Variants in VNN1 observed in about 807,000 individuals in gnomAD.
VNN1 encodes vanin 1, also known as pantetheinase.
VNN1 carries 29 observed loss-of-function variants against 41.9 expected under a neutral mutation model. That is an observed-to-expected ratio of 0.69 (90% CI 0.52 to 0.94). VNN1 has a LOEUF of 0.94. VNN1 is among the 40% of genes least tolerant of loss of function. The pLI is 0.00. For synonymous variants in VNN1, 233 were observed against 224.4 expected (o/e 1.04, Z -0.34); for missense variants, 637 against 621.1 (o/e 1.03, Z -0.27).
chr6:132,702,367 C>T (rs184048288), intron 2 of VNN1, among the ~76,000 whole-genome samples: 8 of 152,314 alleles, frequency 5.3e-5, no homozygotes, highest in African/African-American at 1.2e-4. Context: ...GCATACTCCA[C>T]CCTGTCCATT....
intron 5 of VNN1, among the ~76,000 whole-genome samples, chr6:132,684,897 A>G (rs766868894): frequency 6.6e-6 from 1 of 152,258 alleles, no homozygotes; most frequent in Non-Finnish European, 1.5e-5. Flanking sequence ...GCCTCCTGCA[A>G]TTCACTGTCA....
intron 5 of VNN1, among the ~76,000 whole-genome samples, chr6:132,686,307 G>A (rs941287281): frequency 6.6e-6 from 1 of 152,130 alleles, no homozygotes; most frequent in African/African-American, 2.4e-5. Context: ...AATTAGCTGG[G>A]AGTGGTGGCA....
At chr6:132,693,878 C>G in intron 3 of VNN1, 112 bp downstream of exon 3, 1 of 1,243,830 alleles carries the variant, frequency 8.0e-7, no homozygotes, top group Non-Finnish European at 1.1e-6. Flanking sequence ...CTATGCTTTG[C>G]CCCTACTCGA....
intron 6 of VNN1, 111 bp from the exon 7 acceptor site, chr6:132,683,433 C>A (rs1778157587): frequency 8.9e-7 from 1 of 1,122,972 alleles, no homozygotes; most frequent in Admixed American, 3.0e-5. Context: ...TGGCCAAATT[C>A]CATTCTATCA....
chr6:132,699,763 A>G (rs1778425366), intron 2 of VNN1: 1 of 152,276 alleles, frequency 6.6e-6, no homozygotes, highest in African/African-American at 2.4e-5. Context: ...TATCTTCAAA[A>G]TAAACAAAAT....
At position 132,711,782 on chromosome 6, in the gene VNN1, C is replaced by T; in HGVS notation, c.268G>A (p.Asp90Asn). ...DAIYGWNFNR[D>N]SLYPYLEDIP... Reference sequence around the variant, plus strand: ...TCCTCCAAATATGGGTAGAGAGAGTCCCTGTTGAAGTTCCAGCCATAAATA... The same window carrying T: ...TCCTCCAAATATGGGTAGAGAGAGTTCCTGTTGAAGTTCCAGCCATAAATA... The change falls in exon 2 of 7, where the codon GAC becomes AAC. Residue 90 changes from aspartate (D) to asparagine (N), a missense_variant. Asp to Asn is a conservative substitution (Grantham distance 23). Transcript: ENST00000367928. The T allele has an allele frequency of 6.2e-7, 1 of 1,613,880 alleles. No individual in the cohort carries two copies. The highest frequency in any genetic ancestry group is 8.5e-7 in the Non-Finnish European group (1 of 1,179,886).
At chr6:132,707,365 A>G (rs570263396) in intron 2 of VNN1, among the ~76,000 whole-genome samples, 1 of 152,304 alleles carries the variant, frequency 6.6e-6, no homozygotes, top group African/African-American at 2.4e-5. Context: ...TAGTACAGTC[A>G]CTGTAGAGAA....
intron 2 of VNN1, among the ~76,000 whole-genome samples, chr6:132,695,591 T>C (rs546354897): frequency 2.0e-4 from 30 of 152,306 alleles, no homozygotes; most frequent in African/African-American, 6.3e-4. Flanking sequence ...AGACACACCA[T>C]TTTTGCAGGC....
At chr6:132,713,445 A>C (rs1034220482) in intron 1 of VNN1, among the ~76,000 whole-genome samples, 5 of 152,216 alleles carry the variant, frequency 3.3e-5, no homozygotes, top group African/African-American at 1.2e-4. Flanking sequence ...AAAACCTGCA[A>C]AGCCTTAATA....
chr6:132,700,824 G>C (rs544211700), intron 2 of VNN1, among the ~76,000 whole-genome samples: 1 of 151,944 alleles, frequency 6.6e-6, no homozygotes, highest in African/African-American at 2.4e-5. Flanking sequence ...CTTCAAATAC[G>C]TTTGGGTTTT....
chr6:132,682,259 G>C lies in VNN1; in HGVS notation c.*881C>G, dbSNP rs1288959121. ...CCAGACCAGCTGAATATTCTTACCAGGTAAGCCTTTTGTTGAAGCTTCAGA... is the reference window on the plus strand; with the variant it reads ...CCAGACCAGCTGAATATTCTTACCACGTAAGCCTTTTGTTGAAGCTTCAGA... On this transcript the variant is annotated 3_prime_UTR_variant, in exon 7 of 7. Transcript: ENST00000367928. The C allele has an allele frequency of 6.6e-6, 1 of 152,202 alleles. No individual in the cohort carries two copies. Among genetic ancestry groups the C allele is most frequent in the East Asian group, 1.9e-4 (1 of 5,206 alleles). 9.4% of individuals were successfully genotyped at this position (152,202 alleles called of 1,614,324 possible).
In VNN1 at chr6:132,711,756, G is replaced by A. The variant is rs1415069002; in HGVS notation, c.294C>T (p.Asp98=). The A allele has an allele frequency of 5.6e-6, 9 of 1,614,006 alleles. No homozygotes were observed. Among genetic ancestry groups the A allele is most frequent in the Non-Finnish European group, 7.6e-6 (9 of 1,179,908 alleles). The change falls in exon 2 of 7, where the codon GAC becomes GAT. Residue 98 remains aspartate, a synonymous_variant. Transcript: ENST00000367928. The stretch of plus-strand genomic sequence containing the variant: ...TCCAGTTTACTTCAGGGTCTGGGAT[G>A]TCCTCCAAATATGGGTAGAGAGAGT... ...NRDSLYPYLE[D]IPDPEVNWIP...
chr6:132,704,023 C>A (rs891149847), intron 2 of VNN1, among the ~76,000 whole-genome samples: 1 of 151,920 alleles, frequency 6.6e-6, no homozygotes, highest in Non-Finnish European at 1.5e-5. Flanking sequence ...ATTGAGCACA[C>A]AAGTGTGCTA....
intron 2 of VNN1, among the ~76,000 whole-genome samples, chr6:132,696,258 G>C (rs1179282376): frequency 3.3e-5 from 5 of 152,140 alleles, no homozygotes; most frequent in Non-Finnish European, 5.9e-5. Flanking sequence ...TGAACTGGAA[G>C]ACAGGACCAT....
At chr6:132,697,979 A>C (rs2114355421) in intron 2 of VNN1, among the ~76,000 whole-genome samples, 1 of 152,340 alleles carries the variant, frequency 6.6e-6, no homozygotes, top group Non-Finnish European at 1.5e-5. Flanking sequence ...TCTGATGACA[A>C]ACATATTTTC....
intron 2 of VNN1, among the ~76,000 whole-genome samples, chr6:132,699,932 G>A (rs3798795): frequency 0.045 from 6,921 of 152,180 alleles, 352 homozygotes; most frequent in South Asian, 0.14. Context: ...TTTGAAAACA[G>A]CATCTTTCTT....
At chr6:132,706,130 A>G (rs1475167873) in intron 2 of VNN1, among the ~76,000 whole-genome samples, 1 of 152,154 alleles carries the variant, frequency 6.6e-6, no homozygotes, top group African/African-American at 2.4e-5. Flanking sequence ...TCAAAATACC[A>G]ATGTCATTCT....
intron 2 of VNN1, among the ~76,000 whole-genome samples, chr6:132,695,491 A>T (rs1262054835): frequency 1.3e-5 from 2 of 152,102 alleles, no homozygotes; most frequent in Non-Finnish European, 2.9e-5. Context: ...TCTTTCAAAT[A>T]TACGAGATCT....
intron 4 of VNN1, 90 bp from the exon 5 acceptor site, chr6:132,692,674 A>G (rs1778310407): frequency 1.4e-6 from 2 of 1,435,180 alleles, no homozygotes; most frequent in African/African-American, 1.4e-5. Context: ...TCATATTCAC[A>G]TTTTACTCTC....
Sources: allele counts gnomAD v4.1 joint callset (sites outside exome capture counted in the v4.1 genomes callset), GRCh38; gene constraint gnomAD v4.1.1; transcripts MANE v1.5; gene names NCBI Gene and HGNC (gene_info 2026-07-23, HGNC 2026-07-21).